Variants in LARP1 observed in about 807,000 individuals in gnomAD.
The protein encoded by LARP1 is La ribonucleoprotein 1, translational regulator, also known as la-related protein 1.
LARP1 carries 36 observed loss-of-function variants against 122.7 expected under a neutral mutation model. That is an observed-to-expected ratio of 0.29 (90% confidence interval 0.22 to 0.39). LARP1 has a LOEUF of 0.39. Ranked by LOEUF, LARP1 falls within the 10% of genes least tolerant of loss-of-function variation. The probability of loss-of-function intolerance (pLI) is 1.00; values close to 1 mark genes in which losing one functional copy is unlikely to be tolerated. For missense variants in LARP1, 1,040 were observed against 1,403.6 expected (o/e 0.74, Z 4.14); for synonymous variants, 539 against 528.7 (o/e 1.02, Z -0.27).
rs138480595 is a variant in LARP1, at chr5:154,801,893, A to G, written c.1717-114A>G. ...GTGACCTGCTGGTGTTACCAGGGTCATAGTTGAACAGTCTTATGTTGAGAG... is the reference window on the plus strand; with the variant it reads ...GTGACCTGCTGGTGTTACCAGGGTCGTAGTTGAACAGTCTTATGTTGAGAG... On this transcript the variant is annotated intron_variant, in intron 10 of 18. Coordinates refer to ENST00000518297, the MANE Select transcript of LARP1 (RefSeq NM_033551.3). 2.4e-3 allele frequency: 2,321 copies of G among 951,462 alleles called. 37 individuals carry two copies. In the African/African-American group the frequency reaches 0.033, roughly 14 times the overall value. 58.9% of individuals were successfully genotyped at this position (951,462 alleles called of 1,614,324 possible).
chr5:154,747,723 G>C (rs1252849787), intron 1 of LARP1, among the ~76,000 whole-genome samples: 1 of 151,574 alleles, frequency 6.6e-6, no homozygotes, highest in Admixed American at 6.6e-5. Context: ...AATTAGCCAG[G>C]CATGGTTACG....
chr5:154,771,273 C>T (rs577259098), intron 1 of LARP1, among the ~76,000 whole-genome samples: 19 of 152,220 alleles, frequency 1.2e-4, no homozygotes, highest in African/African-American at 4.3e-4. Context: ...GAACCCAGGC[C>T]GGAGTTCCTG....
At chr5:154,811,750 C>T (rs1049483844) in intron 18 of LARP1, 110 bp downstream of exon 18, 5 of 1,299,932 alleles carry the variant, frequency 3.8e-6, no homozygotes, top group African/African-American at 3.0e-5. Flanking sequence ...GAACCCCTCT[C>T]CCTGCTCCCC....
rs1041543661 is a variant in LARP1 at position 154,813,814 on chromosome 5, T to C, written c.3082-73T>C. On this transcript the variant is annotated intron_variant, in intron 18 of 18. Coordinates refer to ENST00000518297, the MANE Select transcript of LARP1 (RefSeq NM_033551.3). ...ATTTGGAGGTAGAAAGTAGGAAGTG[T>C]CTAGACGGGCCTGGCAAGGAAGAGG... 25 of 1,260,498 alleles carry C rather than the reference T, an allele frequency of 2.0e-5. No individual in the cohort carries two copies. In the African/African-American group the frequency reaches 2.9e-4, roughly 15 times the overall value. The allele number at this position is 1,260,498 out of a possible 1,614,324, so 78.1% of individuals were successfully genotyped here.
chr5:154,786,388 C>T (rs143105228), intron 1 of LARP1: 38 of 447,060 alleles, frequency 8.5e-5, no homozygotes, highest in African/African-American at 5.8e-4. Context: ...AAGAAGCCCC[C>T]GGACCCCCTG....
Position 154,803,599 on chromosome 5 carries a change from C to T in LARP1, c.2293C>T (p.Arg765Cys), listed in dbSNP as rs779013893. The T allele has an allele frequency of 3.7e-6, 6 of 1,614,044 alleles. No individual in the cohort carries two copies. The highest frequency in any genetic ancestry group is 1.3e-5 in the African/African-American group (1 of 74,906). The change falls in exon 13 of 19, where the codon CGC becomes TGC. Residue 765 changes from arginine (R) to cysteine (C), a missense_variant. Transcript: ENST00000518297. The surrounding 1 kb of genome is among the most constrained non-coding windows in gnomAD (Gnocchi z 4.4). Reference protein sequence around the residue: ...FGAPEPSTIARSLPTTVPESP... With the variant: ...FGAPEPSTIACSLPTTVPESP... ...TGCTCCTGAGCCCTCCACCATCGCC[C>T]GCTCTCTACCAACCACTGTCCCAGA... is the stretch of plus-strand genomic sequence containing the variant.
chr5:154,717,661 A>C (rs755546170), intron 1 of LARP1, among the ~76,000 whole-genome samples: 4 of 152,154 alleles, frequency 2.6e-5, no homozygotes, highest in Non-Finnish European at 5.9e-5. Flanking sequence ...AGGCCTGGTG[A>C]TATCAGTACT....
Position 154,790,942 on chromosome 5 carries a change from C to T in LARP1, c.564+232C>T, listed in dbSNP as rs562731385. ...AAGTGATTCTCCTCCCCCAGCCTCC[C>T]GAGTAGCTGTGATTACAGGCGCTCA... is the stretch of plus-strand genomic sequence containing the variant. On this transcript the variant is annotated intron_variant, in intron 3 of 18. Coordinates refer to ENST00000518297, the MANE Select transcript of LARP1 (RefSeq NM_033551.3). 4.0e-5 allele frequency among the ~76,000 whole-genome samples: 6 copies of T among 150,890 alleles called. 1 individual carries two copies. In the East Asian group the frequency reaches 6.0e-4, roughly 15 times the overall value.
chr5:154,814,053 A>C lies in LARP1; in HGVS notation c.3248A>C (p.Lys1083Thr), dbSNP rs761756581. The change falls in exon 19 of 19, where the codon AAA (lysine) becomes ACA (threonine). Residue 1083 changes from lysine (K) to threonine (T), a missense_variant. Around this residue, in one of 8 missense-constraint regions of LARP1, gnomAD observed 129 missense variants for 160.8 expected, o/e 0.80. Coordinates refer to ENST00000518297, the MANE Select transcript of LARP1 (RefSeq NM_033551.3). Reference protein sequence around the residue: ...PTGQPVREDAKWTSQHSNTQT... With the variant: ...PTGQPVREDATWTSQHSNTQT... ...GGCCAGCCTGTCCGGGAAGATGCCAAATGGACAAGCCAGCACTCGAACACA... is the reference window on the plus strand; with the variant it reads ...GGCCAGCCTGTCCGGGAAGATGCCACATGGACAAGCCAGCACTCGAACACA... 4 of 1,614,126 alleles carry C rather than the reference A, an allele frequency of 2.5e-6. No individual in the cohort carries two copies. The highest frequency in any genetic ancestry group is 3.4e-6 in the Non-Finnish European group (4 of 1,180,004).
intron 1 of LARP1, among the ~76,000 whole-genome samples, chr5:154,698,621 A>AT (rs1321554674): frequency 1.3e-5 from 2 of 152,150 alleles, no homozygotes; most frequent in Non-Finnish European, 2.9e-5. Context: ...AAATAAATAA[A>AT]AATTGATTGT....
intron 10 of LARP1, among the ~76,000 whole-genome samples, 198 bp from the exon 11 acceptor site, chr5:154,801,809 T>C (rs1402241076): frequency 1.3e-5 from 2 of 152,222 alleles, no homozygotes; most frequent in Non-Finnish European, 2.9e-5. Context: ...TGGAGGAACC[T>C]GGACTTCTAT....
At chr5:154,716,320 C>T (rs373443519) in intron 1 of LARP1, among the ~76,000 whole-genome samples, 2 of 152,078 alleles carry the variant, frequency 1.3e-5, no homozygotes, top group Non-Finnish European at 2.9e-5. Context: ...GGGGTTTTGC[C>T]GTGTTGGCCA....
intron 8 of LARP1, 75 bp from the exon 9 acceptor site, chr5:154,799,516 A>C: frequency 6.5e-7 from 1 of 1,527,182 alleles, no homozygotes; most frequent in Non-Finnish European, 9.0e-7. Context: ...AGGGGAACCC[A>C]GTTGTCTACC....
At chr5:154,715,216 C>T (rs1008231194) in intron 1 of LARP1, among the ~76,000 whole-genome samples, 1 of 150,794 alleles carries the variant, frequency 6.6e-6, no homozygotes, top group Non-Finnish European at 1.5e-5. Context: ...GATTTTAAGG[C>T]CCCTGAAGGG....
At chr5:154,766,721 T>A (rs1358712363) in intron 1 of LARP1, among the ~76,000 whole-genome samples, 1 of 152,160 alleles carries the variant, frequency 6.6e-6, no homozygotes, top group African/African-American at 2.4e-5. Flanking sequence ...CATCAGCTGG[T>A]TTTACAGCTA....
chr5:154,811,459 C>T (rs1759263261), intron 17 of LARP1, 54 bp from the exon 18 acceptor site: 1 of 1,613,048 alleles, frequency 6.2e-7, no homozygotes, highest in Admixed American at 1.7e-5. Flanking sequence ...CTCCCTCTCT[C>T]CTCTGAGCTT....
At position 154,803,802 on chromosome 5, in the gene LARP1, T is replaced by C; in HGVS notation, c.2439+57T>C. Reference sequence around the variant, plus strand: ...TTGGGTCTACTTCATTGCATTCCAGTGCTTTGCTTCTCTCCCTTGCCTTGT... The same window carrying C: ...TTGGGTCTACTTCATTGCATTCCAGCGCTTTGCTTCTCTCCCTTGCCTTGT... On this transcript the variant is annotated intron_variant, in intron 13 of 18. Coordinates refer to ENST00000518297, the MANE Select transcript of LARP1 (RefSeq NM_033551.3). The surrounding 1 kb of genome is among the most constrained non-coding windows in gnomAD (Gnocchi z 4.4). 1 of 1,519,482 alleles carries C rather than the reference T, an allele frequency of 6.6e-7. No individual in the cohort carries two copies. The highest frequency in any genetic ancestry group is 9.1e-7 in the Non-Finnish European group (1 of 1,096,782). 94.1% of individuals were successfully genotyped at this position (1,519,482 alleles called of 1,614,324 possible).
chr5:154,691,921 C>T (rs1754237556), intron 1 of LARP1, among the ~76,000 whole-genome samples: 1 of 152,098 alleles, frequency 6.6e-6, no homozygotes, highest in Non-Finnish European at 1.5e-5. Flanking sequence ...ACCTGAGTAG[C>T]TGGGACTACA....
Position 154,805,973 on chromosome 5 carries a change from T to A in LARP1, c.2639T>A (p.Leu880His). 1 of 1,614,124 alleles carries A rather than the reference T, an allele frequency of 6.2e-7. No individual in the cohort carries two copies. Among genetic ancestry groups the A allele is most frequent in the Non-Finnish European group, 8.5e-7 (1 of 1,180,018 alleles). ...PKFQHPSHELLKENGFTQHVY... is the reference protein window; with the variant it reads ...PKFQHPSHELHKENGFTQHVY... ...TTCCAGCATCCTTCCCATGAACTGC[T>A]CAAGGAAAATGGCTTCACACAACAC... The change falls in exon 15 of 19, where the codon CTC (leucine) becomes CAC (histidine). Residue 880 changes from leucine (L) to histidine (H), a missense_variant. This residue lies in a region of LARP1 where 59 missense variants were observed against 137.2 expected (regional missense o/e 0.43). Transcript: ENST00000518297.
Sources: gnomAD v4.1 joint callset for allele counts (sites outside exome capture counted in the v4.1 genomes callset) on GRCh38, gnomAD v4.1.1 for gene constraint, gnomAD v4.1.1 regional missense constraint, Gnocchi (gnomAD v3.1) non-coding constraint, MANE v1.5 for transcripts, NCBI Gene and HGNC (gene_info 2026-07-23, HGNC 2026-07-21) for gene names.